Variants in EEPD1 observed in about 807,000 individuals in gnomAD.
EEPD1 encodes endonuclease/exonuclease/phosphatase family domain containing 1.
Under a neutral mutation model 46.3 loss-of-function variants are expected in EEPD1, and 17 were observed. The observed-to-expected ratio is 0.37, with a 90% CI of 0.25 to 0.55. EEPD1 has a LOEUF of 0.55. Ranked by LOEUF, EEPD1 falls within the 20% of genes least tolerant of loss-of-function variation. The pLI is 0.83. For missense variants in EEPD1, 673 were observed against 745.6 expected (o/e 0.90, Z 1.13); for synonymous variants, 313 against 315.6 (o/e 0.99, Z 0.09).
chr7:36,284,677 C>T lies in EEPD1; in HGVS notation c.1042-9C>T, dbSNP rs760893877. On this transcript the variant is annotated splice_polypyrimidine_tract_variant and intron_variant, in intron 4 of 7. Transcript: ENST00000242108. ...TGGCACCAAGACTCTGTCTCCCTCT[C>T]CGCTGCAGGGAGCTGGGTATGCAGG... 6.2e-7 allele frequency: 1 copy of T among 1,610,196 alleles called. No individual in the cohort carries two copies. The highest frequency in any genetic ancestry group is 8.5e-7 in the Non-Finnish European group (1 of 1,178,308).
Position 36,299,537 on chromosome 7 carries a change from G to A in EEPD1, c.*331G>A, listed in dbSNP as rs1249596932. On this transcript the variant is annotated 3_prime_UTR_variant, in exon 8 of 8. Transcript: ENST00000242108. ...CACAAAGACAATATGAGCAGAGGGA[G>A]GAGAAGAAGGGGTGCTCAGGCTGCG... The A allele has an allele frequency of 3.9e-5, 13 of 336,996 alleles. No homozygotes were observed. The highest frequency in any genetic ancestry group is 2.5e-4 in the African/African-American group (12 of 48,068). 20.9% of individuals were successfully genotyped at this position (336,996 alleles called of 1,614,324 possible).
chr7:36,277,913 A>G (rs1351683733), intron 3 of EEPD1, among the ~76,000 whole-genome samples: 1 of 152,172 alleles, frequency 6.6e-6, no homozygotes, highest in African/African-American at 2.4e-5. Flanking sequence ...AGGGTCAGGG[A>G]TTCTGCTTCC....
chr7:36,199,129 T>C (rs1785667021), intron 2 of EEPD1, among the ~76,000 whole-genome samples: 1 of 152,116 alleles, frequency 6.6e-6, no homozygotes, highest in African/African-American at 2.4e-5. Flanking sequence ...CTCTTTTGCT[T>C]TCCGGGAAAT....
At position 36,154,258 on chromosome 7, in the gene EEPD1, T is replaced by C; in HGVS notation, c.-67T>C. ...TCTGTGCTTGTACGGCCTACTGGGC[T>C]TCCTCCCTAGCCAGAGAGCTCTTCT... On this transcript the variant is annotated 5_prime_UTR_variant, in exon 2 of 8. Transcript: ENST00000242108. The surrounding 1 kb of genome is among the most constrained non-coding windows in gnomAD (Gnocchi z 4.2). 1 of 1,517,892 alleles carries C rather than the reference T, an allele frequency of 6.6e-7. No homozygotes were observed. Among genetic ancestry groups the C allele is most frequent in the Non-Finnish European group, 8.8e-7 (1 of 1,138,704 alleles). 94.0% of individuals were successfully genotyped at this position (1,517,892 alleles called of 1,614,324 possible). A position where few individuals can be genotyped will look rare whatever the true frequency, so the allele number is the denominator to read the frequency against.
chr7:36,250,360 A>G (rs1786714514), intron 3 of EEPD1, among the ~76,000 whole-genome samples: 1 of 152,220 alleles, frequency 6.6e-6, no homozygotes, highest in Admixed American at 6.5e-5. Context: ...GGAAGGGACT[A>G]GAGGGATGGA....
chr7:36,279,940 G>A (rs757852607), intron 3 of EEPD1, among the ~76,000 whole-genome samples: 3 of 152,180 alleles, frequency 2.0e-5, no homozygotes, highest in Non-Finnish European at 2.9e-5. Context: ...AGTGACCCCC[G>A]TGAGAGAAGA....
intron 6 of EEPD1, among the ~76,000 whole-genome samples, chr7:36,295,296 G>T (rs552459232): frequency 1.3e-5 from 2 of 152,150 alleles, no homozygotes; most frequent in Non-Finnish European, 2.9e-5. Context: ...TCAAAAGGAC[G>T]CATGAGCCAA....
chr7:36,187,049 C>A (rs1785369987), intron 2 of EEPD1, among the ~76,000 whole-genome samples: 1 of 89,650 alleles, frequency 1.1e-5, no homozygotes, highest in Admixed American at 1.3e-4. Context: ...CCTTGTCCTT[C>A]TTGGTTTGCA....
chr7:36,164,303 C>A (rs1784946422), intron 2 of EEPD1, among the ~76,000 whole-genome samples: 1 of 152,204 alleles, frequency 6.6e-6, no homozygotes, highest in African/African-American at 2.4e-5. Context: ...CACCAGTTGA[C>A]AACCACATTT....
At chr7:36,198,342 G>GAAAAAAAAAAAAAAAAAAAAAA (rs1361024411) in intron 2 of EEPD1, among the ~76,000 whole-genome samples, 26 of 33,036 alleles carry the variant, frequency 7.9e-4, no homozygotes, top group Non-Finnish European at 9.8e-4. Flanking sequence ...AAAAAGAAAA[G>GAAAAAAAAAAAAAAAAAAAAAA]AAAAAAAAAA....
intron 2 of EEPD1, among the ~76,000 whole-genome samples, chr7:36,205,523 G>C (rs541494915): frequency 2.6e-5 from 4 of 152,162 alleles, no homozygotes; most frequent in Non-Finnish European, 5.9e-5. Context: ...GGCCTCTCTG[G>C]AGCTTTGCAA....
chr7:36,209,731 C>T (rs1394201979), intron 2 of EEPD1, among the ~76,000 whole-genome samples: 1 of 152,046 alleles, frequency 6.6e-6, no homozygotes, highest in East Asian at 1.9e-4. Flanking sequence ...AGAGCAAGAA[C>T]TCACTCATTA....
At position 36,297,334 on chromosome 7, in the gene EEPD1, A is replaced by G. The variant is rs545723121; in HGVS notation, c.1510+147A>G. 503 of 930,452 alleles carry G rather than the reference A, an allele frequency of 5.4e-4. 2 individuals carry two copies. The African/African-American group carries it at 7.9e-3, about 15-fold the overall frequency. 57.6% of individuals were successfully genotyped at this position (930,452 alleles called of 1,614,324 possible). A position where few individuals can be genotyped will look rare whatever the true frequency, so the allele number is the denominator to read the frequency against. On this transcript the variant is annotated intron_variant, in intron 7 of 7. Transcript: ENST00000242108. ...GTATAACTGTCATTTAATCAGAGAC[A>G]GAATCCAGGAATCCAGGCCCCTGTC...
intron 5 of EEPD1, among the ~76,000 whole-genome samples, chr7:36,285,689 C>G (rs1349616129): frequency 6.6e-6 from 1 of 152,140 alleles, no homozygotes; most frequent in Non-Finnish European, 1.5e-5. Flanking sequence ...CAAGCGTATC[C>G]CCTCCTGGGC....
intron 3 of EEPD1, among the ~76,000 whole-genome samples, chr7:36,266,440 C>T (rs541100855): frequency 6.6e-6 from 1 of 151,810 alleles, no homozygotes; most frequent in East Asian, 1.9e-4. Flanking sequence ...ACCAAGAGCT[C>T]CACGACAGCG....
intron 3 of EEPD1, among the ~76,000 whole-genome samples, chr7:36,258,226 A>G (rs75575550): frequency 6.6e-6 from 1 of 152,128 alleles, no homozygotes; most frequent in Non-Finnish European, 1.5e-5. Context: ...CACCCACCAG[A>G]TGTCAGCCAG....
intron 3 of EEPD1, among the ~76,000 whole-genome samples, chr7:36,276,161 A>T (rs1252332463): frequency 6.6e-6 from 1 of 152,176 alleles, no homozygotes; most frequent in Non-Finnish European, 1.5e-5. Flanking sequence ...TCTAAGTCAC[A>T]GGATGAGGTA....
intron 2 of EEPD1, among the ~76,000 whole-genome samples, chr7:36,232,322 A>G (rs1420136378): frequency 6.6e-6 from 1 of 151,902 alleles, no homozygotes; most frequent in African/African-American, 2.4e-5. Flanking sequence ...CTCCTGTCTC[A>G]GCCTCCCGAG....
intron 2 of EEPD1, among the ~76,000 whole-genome samples, chr7:36,198,432 AAAG>A (rs1278027113): frequency 2.5e-4 from 38 of 149,874 alleles, no homozygotes; most frequent in African/African-American, 7.9e-4. Flanking sequence ...AAAAAAAAAA[AAAG>A]AAATCTTTTA....
Sources: allele counts gnomAD v4.1 joint callset (sites outside exome capture counted in the v4.1 genomes callset), GRCh38; gene constraint gnomAD v4.1.1; non-coding constraint Gnocchi (gnomAD v3.1); transcripts MANE v1.5; gene names NCBI Gene and HGNC (gene_info 2026-07-23, HGNC 2026-07-21).